CORIN: variants seen among roughly 807,000 people sequenced by gnomAD.
CORIN encodes corin, serine peptidase.
A neutral mutation model predicts 125.3 loss-of-function variants in CORIN; 117 were observed. The observed-to-expected ratio is 0.93, with a 90% CI of 0.80 to 1.09. The LOEUF (loss-of-function observed/expected upper bound fraction) is 1.09, where lower values mean the gene tolerates loss of function less well. Among genes scored for constraint, CORIN ranks in the 50% least tolerant of loss-of-function variants. The pLI is 0.00. For synonymous variants in CORIN, 450 were observed against 466.4 expected (o/e 0.96, Z 0.45); for missense variants, 1,253 against 1,306.7 (o/e 0.96, Z 0.63).
intron 12 of CORIN, among the ~76,000 whole-genome samples, chr4:47,658,867 T>A (rs545903855): frequency 2.3e-4 from 35 of 152,396 alleles, no homozygotes; most frequent in Non-Finnish European, 4.1e-4. Context: ...CACACTTTTA[T>A]GCTCTGCTTC....
chr4:47,629,707 G>C (rs541670095), intron 16 of CORIN, among the ~76,000 whole-genome samples: 3 of 152,092 alleles, frequency 2.0e-5, no homozygotes, highest in Admixed American at 6.5e-5. Context: ...TGTTCTGTGT[G>C]GTCTTGATAC....
chr4:47,777,153 A>C (rs1038033459), intron 3 of CORIN, among the ~76,000 whole-genome samples: 1 of 152,194 alleles, frequency 6.6e-6, no homozygotes, highest in Admixed American at 6.5e-5. Context: ...TAGTCCATAG[A>C]GCCAAAACCT....
chr4:47,751,800 C>A (rs1728913795), intron 4 of CORIN, among the ~76,000 whole-genome samples: 1 of 152,160 alleles, frequency 6.6e-6, no homozygotes, highest in African/African-American at 2.4e-5. Context: ...CGTAACCCAG[C>A]ATCTAGCAGT....
intron 6 of CORIN, among the ~76,000 whole-genome samples, chr4:47,684,980 C>T (rs182785408): frequency 4.6e-5 from 7 of 152,026 alleles, no homozygotes; most frequent in Non-Finnish European, 1.5e-5. Flanking sequence ...GATATAACTA[C>T]ACATCCCTTA....
rs13127775 is a variant in CORIN, at chr4:47,632,932, G to A, written c.2199-6411C>T. ...GTAGCTGGGGACTACAGGCTCATGC[G>A]ACCACGCCCGGCTAATTTTTGTACT... On this transcript the variant is annotated intron_variant, in intron 16 of 21. Transcript: ENST00000273857. Among the ~76,000 whole-genome samples, 3 of 151,722 alleles carry A rather than the reference G, an allele frequency of 2.0e-5. No individual in the cohort carries two copies. The East Asian group carries it at 5.8e-4, about 30-fold the overall frequency.
At chr4:47,766,667 C>T (rs561015033) in intron 3 of CORIN, among the ~76,000 whole-genome samples, 2 of 152,104 alleles carry the variant, frequency 1.3e-5, no homozygotes, top group Admixed American at 6.5e-5. Context: ...AAACAAAGGC[C>T]GGGCGCAGTG....
intron 5 of CORIN, among the ~76,000 whole-genome samples, chr4:47,737,519 T>C (rs1196935235): frequency 6.6e-6 from 1 of 152,204 alleles, no homozygotes; most frequent in Non-Finnish European, 1.5e-5. Flanking sequence ...CTATTTTGGA[T>C]CAACATGAGA....
At chr4:47,798,717 T>G (rs1055057585) in intron 2 of CORIN, among the ~76,000 whole-genome samples, 3 of 152,216 alleles carry the variant, frequency 2.0e-5, no homozygotes, top group Non-Finnish European at 4.4e-5. Context: ...ACTTTTATTT[T>G]GGATTCAGGT....
intron 1 of CORIN, among the ~76,000 whole-genome samples, chr4:47,821,504 G>C (rs1278239008): frequency 6.6e-6 from 1 of 151,650 alleles, no homozygotes; most frequent in Non-Finnish European, 1.5e-5. Flanking sequence ...AAAACTGTCT[G>C]AATGTTTAAT....
At chr4:47,676,941 T>G (rs1040819320) in intron 9 of CORIN, among the ~76,000 whole-genome samples, 1 of 152,236 alleles carries the variant, frequency 6.6e-6, no homozygotes, top group Non-Finnish European at 1.5e-5. Context: ...TATATATTAT[T>G]TTTATGTAAT....
intron 16 of CORIN, among the ~76,000 whole-genome samples, chr4:47,641,041 T>G (rs1276505580): frequency 6.6e-6 from 1 of 152,180 alleles, no homozygotes; most frequent in African/African-American, 2.4e-5. Flanking sequence ...GATGTTGGTC[T>G]TCACATGGGA....
At chr4:47,767,946 C>A (rs1424179561) in intron 3 of CORIN, among the ~76,000 whole-genome samples, 2 of 152,202 alleles carry the variant, frequency 1.3e-5, no homozygotes, top group Non-Finnish European at 2.9e-5. Context: ...TGAGCCCAAG[C>A]TAAGCCATCA....
intron 4 of CORIN, among the ~76,000 whole-genome samples, chr4:47,757,841 T>C (rs9884743): frequency 0.051 from 7,242 of 142,302 alleles, 585 homozygotes; most frequent in African/African-American, 0.18. Context: ...AGGAGAATGA[T>C]TGAAATGAGT....
At chr4:47,697,758 G>A (rs1726086412) in intron 5 of CORIN, among the ~76,000 whole-genome samples, 2 of 151,902 alleles carry the variant, frequency 1.3e-5, no homozygotes, top group South Asian at 4.2e-4. Context: ...AAAATAAGAG[G>A]AGTGAGAATT....
At chr4:47,623,096 C>CTCTA (rs771867590) in intron 19 of CORIN, among the ~76,000 whole-genome samples, 1,063 of 102,230 alleles carry the variant, frequency 0.01, 15 homozygotes, top group South Asian at 0.049. Context: ...CTCTCTCTCT[C>CTCTA]TATATATATA....
At chr4:47,729,503 A>G (rs970752517) in intron 5 of CORIN, among the ~76,000 whole-genome samples, 8 of 152,182 alleles carry the variant, frequency 5.3e-5, no homozygotes, top group Admixed American at 5.2e-4. Flanking sequence ...GCTACAGCCT[A>G]GAGAGCAAAA....
intron 19 of CORIN, among the ~76,000 whole-genome samples, chr4:47,621,177 C>T (rs1722295162): frequency 6.6e-6 from 1 of 152,138 alleles, no homozygotes; most frequent in Non-Finnish European, 1.5e-5. Context: ...TAGGTGGGGC[C>T]TGTGACTGAT....
intron 1 of CORIN, among the ~76,000 whole-genome samples, chr4:47,810,222 C>G (rs906836604): frequency 6.6e-6 from 1 of 152,158 alleles, no homozygotes; most frequent in Admixed American, 6.6e-5. Context: ...GGGTCTCACT[C>G]TGTCGCCCAG....
chr4:47,811,004 T>C (rs1021469507), intron 1 of CORIN, among the ~76,000 whole-genome samples: 1 of 152,214 alleles, frequency 6.6e-6, no homozygotes, highest in Non-Finnish European at 1.5e-5. Flanking sequence ...GTGTCAGGCA[T>C]TGTTTGGGCA....
Sources: allele counts gnomAD v4.1 joint callset (sites outside exome capture counted in the v4.1 genomes callset), GRCh38; gene constraint gnomAD v4.1.1; transcripts MANE v1.5; gene names NCBI Gene and HGNC (gene_info 2026-07-23, HGNC 2026-07-21).